The following ENTHD1 variants were observed in gnomAD, a reference collection of about 807,000 sequenced individuals.
ENTHD1 encodes ENTH domain containing 1.
In ENTHD1, 23 loss-of-function variants were observed where a neutral mutation model predicts 39.1. The ratio of observed to expected loss-of-function variants is 0.59; its 90% CI spans 0.42 to 0.83. The LOEUF (loss-of-function observed/expected upper bound fraction) is 0.83, where lower values mean the gene tolerates loss of function less well. ENTHD1 is among the 40% of genes least tolerant of loss of function. The pLI is 0.00. For missense variants in ENTHD1, 624 were observed against 705.4 expected (o/e 0.88, Z 1.31); for synonymous variants, 230 against 258.2 (o/e 0.89, Z 1.05).
At chr22:39,798,695 G>A (rs1471077504) in intron 5 of ENTHD1, among the ~76,000 whole-genome samples, 1 of 152,210 alleles carries the variant, frequency 6.6e-6, no homozygotes, top group African/African-American at 2.4e-5. Context: ...AACGGAAGCA[G>A]GTCCAAACAG....
At chr22:39,866,453 G>A (rs2146733969) in intron 2 of ENTHD1, among the ~76,000 whole-genome samples, 1 of 152,332 alleles carries the variant, frequency 6.6e-6, no homozygotes, top group South Asian at 2.1e-4. Context: ...ATGCTCTAAA[G>A]GAAATAAAGA....
intron 5 of ENTHD1, among the ~76,000 whole-genome samples, chr22:39,796,736 A>T (rs777070206): frequency 9.2e-5 from 14 of 152,198 alleles, no homozygotes; most frequent in Non-Finnish European, 1.6e-4. Context: ...TGGTCTGAAA[A>T]GACATTTCAT....
chr22:39,764,401 C>A (rs2065258725), intron 6 of ENTHD1, among the ~76,000 whole-genome samples: 2 of 151,956 alleles, frequency 1.3e-5, no homozygotes, highest in South Asian at 4.2e-4. Flanking sequence ...TTGCTTGAGC[C>A]CAGGAGTTTG....
intron 6 of ENTHD1, among the ~76,000 whole-genome samples, chr22:39,764,201 C>A (rs553593987): frequency 1.8e-4 from 28 of 152,280 alleles, no homozygotes; most frequent in East Asian, 1.4e-3. Context: ...TGGCCAGACA[C>A]AGTGGATCAT....
At position 39,870,587 on chromosome 22, in the gene ENTHD1, T is replaced by C. The variant is rs150368339; in HGVS notation, c.350-8580A>G. Among the ~76,000 whole-genome samples, 186 of 152,088 alleles carry C rather than the reference T, an allele frequency of 1.2e-3. 1 individual carries two copies. Among genetic ancestry groups the C allele is most frequent in the African/African-American group, 4.0e-3 (166 of 41,496 alleles). ...CTATACCAGAAACACTTCAGAAAAA[T>C]AGAAGAATATTTAGGATAAAGAGAA... On this transcript the variant is annotated intron_variant, in intron 2 of 6. Coordinates refer to ENST00000325157, the MANE Select transcript of ENTHD1 (RefSeq NM_152512.4).
intron 2 of ENTHD1, among the ~76,000 whole-genome samples, chr22:39,862,959 C>A (rs931403312): frequency 3.3e-5 from 5 of 152,190 alleles, no homozygotes; most frequent in Non-Finnish European, 5.9e-5. Context: ...CTTCCACCAT[C>A]GCCTTTCGGA....
intron 5 of ENTHD1, among the ~76,000 whole-genome samples, chr22:39,801,891 AT>A (rs58876554): frequency 1.0e-3 from 157 of 151,540 alleles, no homozygotes; most frequent in African/African-American, 3.3e-3. Context: ...CACAGTTAAC[AT>A]TTTTTTTTAA....
intron 6 of ENTHD1, among the ~76,000 whole-genome samples, chr22:39,747,457 G>A (rs2065114409): frequency 2.0e-5 from 3 of 152,136 alleles, no homozygotes; most frequent in Admixed American, 2.0e-4. Context: ...TGATGTCATA[G>A]AATATGATCT....
chr22:39,826,920 TGG>T (rs968083050), intron 4 of ENTHD1, among the ~76,000 whole-genome samples: 1 of 151,498 alleles, frequency 6.6e-6, no homozygotes, highest in Non-Finnish European at 1.5e-5. Flanking sequence ...TTGCCCAGAC[TGG>T]AATGCAGTGG....
intron 5 of ENTHD1, among the ~76,000 whole-genome samples, chr22:39,817,090 A>G (rs974955982): frequency 2.0e-5 from 3 of 152,220 alleles, no homozygotes; most frequent in African/African-American, 7.2e-5. Flanking sequence ...CTTTTTACCC[A>G]AGTGATAAAA....
intron 4 of ENTHD1, among the ~76,000 whole-genome samples, chr22:39,824,201 CTT>C (rs71197195): frequency 3.2e-3 from 226 of 71,382 alleles, no homozygotes; most frequent in Middle Eastern, 0.022. Context: ...TTGTCCAGTT[CTT>C]TTTTTTTTTT....
At chr22:39,822,532 G>A (rs752803922) in intron 4 of ENTHD1, among the ~76,000 whole-genome samples, 54 of 152,240 alleles carry the variant, frequency 3.5e-4, no homozygotes, top group Admixed American at 2.0e-3. Flanking sequence ...GTTTTACTGT[G>A]TAGTTCCTCC....
At chr22:39,760,481 A>G (rs1848068985) in intron 6 of ENTHD1, among the ~76,000 whole-genome samples, 1 of 151,874 alleles carries the variant, frequency 6.6e-6, no homozygotes, top group African/African-American at 2.4e-5. Context: ...ACATATTTTT[A>G]ATTGTTTTAC....
chr22:39,785,315 C>T (rs1161582837), intron 5 of ENTHD1, among the ~76,000 whole-genome samples: 1 of 151,978 alleles, frequency 6.6e-6, no homozygotes, highest in East Asian at 1.9e-4. Context: ...TGAAAGGTTC[C>T]CCGATATATC....
In ENTHD1 at chr22:39,743,215, C is replaced by G. The variant is rs28637921; in HGVS notation, c.*464G>C. 1 of 152,580 alleles carries G rather than the reference C, an allele frequency of 6.6e-6. No individual in the cohort carries two copies. Among genetic ancestry groups the G allele is most frequent in the Non-Finnish European group, 1.5e-5 (1 of 68,358 alleles). The allele number at this position is 152,580 out of a possible 1,614,324, so 9.5% of individuals were successfully genotyped here. On this transcript the variant is annotated 3_prime_UTR_variant, in exon 7 of 7. Coordinates refer to ENST00000325157, the MANE Select transcript of ENTHD1 (RefSeq NM_152512.4). Reference sequence around the variant, plus strand: ...GATTTCTGGCCCTTGGTTGCAGAACCTAAAACTTGCAAAAGAATGTGTGAA... The same window carrying G: ...GATTTCTGGCCCTTGGTTGCAGAACGTAAAACTTGCAAAAGAATGTGTGAA...
rs911454714 is a variant in ENTHD1, at chr22:39,865,346, C to T, written c.350-3339G>A. ...CAGAAGTGAGCTTCTGCCCACTACC[C>T]TAGCTTGCTATCATCCTAGAGAAGG... On this transcript the variant is annotated intron_variant, in intron 2 of 6. Transcript: ENST00000325157. Among the ~76,000 whole-genome samples the T allele has an allele frequency of 2.0e-5, 3 of 152,148 alleles. No homozygotes were observed. The East Asian group carries it at 5.8e-4, about 29-fold the overall frequency.
rs185921542 is a variant in ENTHD1, at chr22:39,772,482, A to C, written c.833-6873T>G. 9.2e-5 allele frequency among the ~76,000 whole-genome samples: 14 copies of C among 152,346 alleles called. No homozygotes were observed. The East Asian group carries it at 2.1e-3, about 23-fold the overall frequency. Reference sequence around the variant, plus strand: ...CTCTAAATAGACCGTGAATACCTAAAGGTGTATAATTTAATCCCTTGGTAT... The same window carrying C: ...CTCTAAATAGACCGTGAATACCTAACGGTGTATAATTTAATCCCTTGGTAT... On this transcript the variant is annotated intron_variant, in intron 5 of 6. Coordinates refer to ENST00000325157, the MANE Select transcript of ENTHD1 (RefSeq NM_152512.4).
intron 2 of ENTHD1, among the ~76,000 whole-genome samples, chr22:39,866,578 C>A (rs896749051): frequency 2.6e-5 from 4 of 152,176 alleles, no homozygotes; most frequent in African/African-American, 9.6e-5. Flanking sequence ...GACATTAGGG[C>A]AGAGTGCGCC....
intron 5 of ENTHD1, among the ~76,000 whole-genome samples, chr22:39,776,555 C>T (rs1391336694): frequency 2.0e-5 from 3 of 152,144 alleles, no homozygotes; most frequent in African/African-American, 7.2e-5. Context: ...ACACATGAGT[C>T]TCATTAAAGC....
Sources: gnomAD v4.1 joint callset for allele counts (sites outside exome capture counted in the v4.1 genomes callset) on GRCh38, gnomAD v4.1.1 for gene constraint, MANE v1.5 for transcripts, NCBI Gene and HGNC (gene_info 2026-07-23, HGNC 2026-07-21) for gene names.